The following MYT1L variants were observed in gnomAD, a reference collection of about 807,000 sequenced individuals.
MYT1L encodes myelin transcription factor 1 like, also known as myelin transcription factor 1-like protein.
Under a neutral mutation model 126.7 loss-of-function variants are expected in MYT1L, and 12 were observed. The ratio of observed to expected loss-of-function variants is 0.09; its 90% CI spans 0.06 to 0.15. The LOEUF (loss-of-function observed/expected upper bound fraction) is 0.15, where lower values mean the gene tolerates loss of function less well. MYT1L is among the 10% of genes least tolerant of loss of function. The pLI, the probability that MYT1L is intolerant of heterozygous loss-of-function variation, is 1.00. For missense variants in MYT1L, 979 were observed against 1,585.2 expected, an observed-to-expected ratio of 0.62 and a Z score of 6.49; for synonymous variants, 541 against 604.2, an observed-to-expected ratio of 0.90 and a Z score of 1.53.
At chr2:1,882,625 C>G (rs1219605740) in intron 18 of MYT1L, among the ~76,000 whole-genome samples, 1 of 152,192 alleles carries the variant, frequency 6.6e-6, no homozygotes, top group Non-Finnish European at 1.5e-5. Flanking sequence ...TGTGGATTGA[C>G]TATTGTAAAC....
chr2:2,170,398 T>C (rs1039590374), intron 3 of MYT1L, among the ~76,000 whole-genome samples: 1 of 152,234 alleles, frequency 6.6e-6, no homozygotes, highest in Non-Finnish European at 1.5e-5. Flanking sequence ...TATTGTCAGG[T>C]GGCCATGCCA....
At chr2:1,935,102 T>G (rs2055681218) in intron 9 of MYT1L, among the ~76,000 whole-genome samples, 1 of 152,224 alleles carries the variant, frequency 6.6e-6, no homozygotes, top group Admixed American at 6.5e-5. Flanking sequence ...TGAAGTTTAG[T>G]GAGCCTCAGT....
intron 3 of MYT1L, among the ~76,000 whole-genome samples, chr2:2,145,346 T>G (rs942791393): frequency 6.6e-6 from 1 of 152,218 alleles, no homozygotes; most frequent in Non-Finnish European, 1.5e-5. Flanking sequence ...TCTCCAGCGC[T>G]TCCTGAACAC....
intron 3 of MYT1L, among the ~76,000 whole-genome samples, chr2:2,098,326 G>A (rs565100515): frequency 6.6e-6 from 1 of 152,302 alleles, no homozygotes; most frequent in Non-Finnish European, 1.5e-5. Context: ...TTTTTAAAGG[G>A]TCTGAACATT....
intron 2 of MYT1L, among the ~76,000 whole-genome samples, chr2:2,183,369 G>A (rs986725197): frequency 6.6e-6 from 1 of 152,250 alleles, no homozygotes; most frequent in South Asian, 2.1e-4. Context: ...AGTTCCCACG[G>A]GAGGGGAGGA....
intron 2 of MYT1L, among the ~76,000 whole-genome samples, chr2:2,220,255 G>A (rs1374248840): frequency 6.6e-6 from 1 of 152,106 alleles, no homozygotes; most frequent in Non-Finnish European, 1.5e-5. Flanking sequence ...GAAGACATGA[G>A]ACATCAATCA....
intron 3 of MYT1L, among the ~76,000 whole-genome samples, chr2:2,097,650 A>G (rs984970337): frequency 4.6e-5 from 7 of 152,320 alleles, no homozygotes; most frequent in African/African-American, 1.7e-4. Flanking sequence ...CTCTGTGTCC[A>G]TGAGACTTAC....
intron 2 of MYT1L, among the ~76,000 whole-genome samples, chr2:2,237,241 C>A (rs1313748536): frequency 1.3e-5 from 2 of 152,180 alleles, no homozygotes; most frequent in Non-Finnish European, 2.9e-5. Flanking sequence ...TCCCTTCCCA[C>A]CTCATTCCGT....
chr2:1,861,596 G>GCCTGCAGCCTGTGTAATCCTGGATCCT, intron 18 of MYT1L, among the ~76,000 whole-genome samples: 1 of 149,796 alleles, frequency 6.7e-6, no homozygotes, highest in Non-Finnish European at 1.5e-5. Flanking sequence ...GCTGTGCTCT[G>GCCTGCAGCCTGTGTAATCCTGGATCCT]CCTGCAGCCT....
Position 1,801,037 on chromosome 2 carries a change from C to G in MYT1L, c.3276+659G>C, listed in dbSNP as rs1056628899. On this transcript the variant is annotated intron_variant, in intron 23 of 24. Transcript: ENST00000647738. This position sits in a 1 kb window ranked among gnomAD's most constrained non-coding sequence, Gnocchi z 4.2. ...ACAGCAAGGTGGGGGATGCCAGGCA[C>G]AAGGCTCATGGTCAGACAGGGTCCA... 1.3e-5 allele frequency among the ~76,000 whole-genome samples: 2 copies of G among 152,218 alleles called. No individual in the cohort carries two copies. The highest frequency in any genetic ancestry group is 2.9e-5 in the Non-Finnish European group (2 of 68,050).
At chr2:1,948,465 G>A (rs748623) in intron 8 of MYT1L, among the ~76,000 whole-genome samples, 10,253 of 152,122 alleles carry the variant, frequency 0.067, 430 homozygotes, top group South Asian at 0.11. Flanking sequence ...TCAACTCCAC[G>A]TGGCTCGAGG....
chr2:1,912,209 G>T lies in MYT1L; in HGVS notation c.1619-99C>A. ...ATTTAACAAAGGCCAGGTCGCTCATGATAGACAGTCCTACAAACGTTTGTG... is the reference window on the plus strand; with the variant it reads ...ATTTAACAAAGGCCAGGTCGCTCATTATAGACAGTCCTACAAACGTTTGTG... On this transcript the variant is annotated intron_variant, in intron 11 of 24. Coordinates refer to ENST00000647738, the MANE Select transcript of MYT1L (RefSeq NM_001303052.2). The surrounding 1 kb of genome is among the most constrained non-coding windows in gnomAD (Gnocchi z 4.3). The T allele has an allele frequency of 1.3e-6, 1 of 761,166 alleles. No homozygotes were observed. Among genetic ancestry groups the T allele is most frequent in the Non-Finnish European group, 2.1e-6 (1 of 485,336 alleles). 47.2% of individuals were successfully genotyped at this position (761,166 alleles called of 1,614,324 possible).
chr2:1,794,239 G>A (rs997558102), intron 23 of MYT1L, among the ~76,000 whole-genome samples: 1 of 152,220 alleles, frequency 6.6e-6, no homozygotes, highest in African/African-American at 2.4e-5. Flanking sequence ...TGTGCTCAGG[G>A]AACCCTGCAG....
rs191947990 is a variant in MYT1L, at chr2:2,290,853, C to T, written c.-520-6350G>A. Among the ~76,000 whole-genome samples the T allele has an allele frequency of 5.1e-3, 776 of 152,234 alleles. 9 individuals carry two copies. The highest frequency in any genetic ancestry group is 0.018 in the African/African-American group (736 of 41,542). On this transcript the variant is annotated intron_variant, in intron 1 of 24. Coordinates refer to ENST00000647738, the MANE Select transcript of MYT1L (RefSeq NM_001303052.2). The stretch of plus-strand genomic sequence containing the variant: ...GATGTGTGGCCAGGGCTAAGAAACA[C>T]TGGCTCAAAAGAAATCCCCAGAACT...
intron 9 of MYT1L, among the ~76,000 whole-genome samples, chr2:1,928,098 A>G (rs1343150572): frequency 6.6e-6 from 1 of 152,140 alleles, no homozygotes; most frequent in Non-Finnish European, 1.5e-5. Context: ...GACTACAGTC[A>G]TGTGTCACCA....
intron 8 of MYT1L, among the ~76,000 whole-genome samples, chr2:1,949,790 G>T (rs972852463): frequency 6.6e-6 from 1 of 152,156 alleles, no homozygotes; most frequent in Non-Finnish European, 1.5e-5. Context: ...ACCAGAGAGC[G>T]GGGCTCGGAA....
intron 18 of MYT1L, among the ~76,000 whole-genome samples, chr2:1,858,833 A>G (rs966306084): frequency 2.6e-5 from 4 of 152,204 alleles, no homozygotes; most frequent in African/African-American, 7.2e-5. Flanking sequence ...TGGGGCGTTG[A>G]TATTTTCCAA....
chr2:1,851,757 AC>A (rs2148531534), intron 18 of MYT1L, 54 bp from the exon 19 acceptor site: 1 of 1,534,632 alleles, frequency 6.5e-7, no homozygotes, highest in African/African-American at 1.4e-5. Context: ...AGTTCCCTGA[AC>A]AATTAACTTT....
At chr2:2,272,721 C>G (rs1164878559) in intron 2 of MYT1L, among the ~76,000 whole-genome samples, 2 of 152,192 alleles carry the variant, frequency 1.3e-5, no homozygotes, top group African/African-American at 4.8e-5. Flanking sequence ...CTAAACTGAT[C>G]TCTGGATGTC....
Sources: allele counts gnomAD v4.1 joint callset (sites outside exome capture counted in the v4.1 genomes callset), GRCh38; gene constraint gnomAD v4.1.1; non-coding constraint Gnocchi (gnomAD v3.1); transcripts MANE v1.5; gene names NCBI Gene and HGNC (gene_info 2026-07-23, HGNC 2026-07-21).